The following EDNRA variants were observed in gnomAD, a reference collection of about 807,000 sequenced individuals.
The protein encoded by EDNRA is endothelin-1 receptor.
A neutral mutation model predicts 41.4 loss-of-function variants in EDNRA; 11 were observed. That is an observed-to-expected ratio of 0.27 (90% CI 0.17 to 0.44). The LOEUF (loss-of-function observed/expected upper bound fraction) is 0.44. EDNRA is among the 20% of genes least tolerant of loss of function. The pLI is 1.00. For missense variants in EDNRA, 294 were observed against 531.0 expected (o/e 0.55, Z 4.39); for synonymous variants, 172 against 183.0 (o/e 0.94, Z 0.49).
chr4:147,523,463 T>G lies in EDNRA; in HGVS notation c.548+3485T>G, dbSNP rs562006582. 2.3e-4 allele frequency among the ~76,000 whole-genome samples: 32 copies of G among 138,316 alleles called. No homozygotes were observed. In the South Asian group the frequency reaches 6.1e-3, roughly 26 times the overall value. The allele number at this position is 138,316 out of a possible 152,430, so 90.7% of individuals were successfully genotyped here. A position where few individuals can be genotyped will look rare whatever the true frequency, so the allele number is the denominator to read the frequency against. On this transcript the variant is annotated intron_variant, in intron 3 of 7. Coordinates refer to ENST00000651419, the MANE Select transcript of EDNRA (RefSeq NM_001957.4). ...AGAGTCTGTTTTGTTGGGTGTTTGT[T>G]TTTTTTTGTTGTTGTTGTTTTTTTG...
intron 2 of EDNRA, among the ~76,000 whole-genome samples, chr4:147,512,971 C>T (rs770491218): frequency 2.2e-4 from 33 of 152,224 alleles, no homozygotes; most frequent in Non-Finnish European, 2.9e-5. Context: ...TCTGGATTCT[C>T]TCTTCGCTGG....
chr4:147,501,103 T>G (rs1729503350), intron 2 of EDNRA, among the ~76,000 whole-genome samples: 1 of 151,918 alleles, frequency 6.6e-6, no homozygotes. Context: ...AACATTTAGT[T>G]TATTTGTGGA....
In EDNRA at chr4:147,532,542, A is replaced by G; in HGVS notation, c.585A>G (p.Gly195=). Residue 195 remains glycine, a synonymous_variant, in exon 4 of 8, where the codon GGA becomes GGG. Transcript: ENST00000651419. ...TTGCCTCCTGGAGTCGTGTTCAGGG[A>G]ATTGGGATTCCTTTGGTAACTGCCA... The part of the protein sequence containing the change: ...RAVASWSRVQ[G]IGIPLVTAIE... 1 of 1,613,638 alleles carries G rather than the reference A, an allele frequency of 6.2e-7. No individual in the cohort carries two copies. Among genetic ancestry groups the G allele is most frequent in the East Asian group, 2.2e-5 (1 of 44,852 alleles).
intron 3 of EDNRA, among the ~76,000 whole-genome samples, chr4:147,525,537 T>C (rs1730504994): frequency 6.6e-6 from 1 of 151,942 alleles, no homozygotes; most frequent in Non-Finnish European, 1.5e-5. Flanking sequence ...ATTAAAATAG[T>C]TATTTTTACA....
At chr4:147,483,457 A>G (rs895792598) in intron 1 of EDNRA, among the ~76,000 whole-genome samples, 2 of 152,206 alleles carry the variant, frequency 1.3e-5, no homozygotes, top group African/African-American at 4.8e-5. Flanking sequence ...TACATATATA[A>G]TAAGTTACTA....
At chr4:147,514,258 T>C (rs1730022170) in intron 2 of EDNRA, among the ~76,000 whole-genome samples, 1 of 152,142 alleles carries the variant, frequency 6.6e-6, no homozygotes, top group Non-Finnish European at 1.5e-5. Flanking sequence ...GTCAATCTCG[T>C]ACTTGAACCT....
rs1728964094 is a variant in EDNRA, at chr4:147,486,865, C to T, written c.420+764C>T. Among the ~76,000 whole-genome samples, 6 of 149,668 alleles carry T rather than the reference C, an allele frequency of 4.0e-5. No homozygotes were observed. In the Middle Eastern group the frequency reaches 0.017, roughly 427 times the overall value. ...TGTGAGAGGAAGATAACTAACCTTG[C>T]TTACAGACTGTATTAGGCCATTTCT... On this transcript the variant is annotated intron_variant, in intron 2 of 7. Coordinates refer to ENST00000651419, the MANE Select transcript of EDNRA (RefSeq NM_001957.4). This position sits in a 1 kb window ranked among gnomAD's most constrained non-coding sequence, Gnocchi z 4.3.
intron 2 of EDNRA, among the ~76,000 whole-genome samples, chr4:147,503,065 G>A (rs1729570226): frequency 6.6e-6 from 1 of 152,004 alleles, no homozygotes; most frequent in Admixed American, 6.6e-5. Context: ...TCAGCCTTGA[G>A]TTTGTTTTGA....
chr4:147,528,630 G>C (rs74559139), intron 3 of EDNRA, among the ~76,000 whole-genome samples: 2 of 152,148 alleles, frequency 1.3e-5, no homozygotes, highest in Admixed American at 6.5e-5. Flanking sequence ...CATCGCACCC[G>C]GCTGGGAACT....
rs1217505946 is a variant in EDNRA at position 147,485,517 on chromosome 4, A to G, written c.-70-95A>G. 3.6e-5 allele frequency: 29 copies of G among 797,614 alleles called. No individual in the cohort carries two copies. The South Asian group carries it at 5.3e-4, about 14-fold the overall frequency. The allele number at this position is 797,614 out of a possible 1,614,324, so 49.4% of individuals were successfully genotyped here. On this transcript the variant is annotated intron_variant, in intron 1 of 7. Transcript: ENST00000651419. ...TATATCTTATCTAATCACCAAATAT[A>G]TCCTGCATTTTAATTGAATCAATAA... is the stretch of plus-strand genomic sequence containing the variant.
intron 2 of EDNRA, among the ~76,000 whole-genome samples, chr4:147,498,638 T>C (rs757344834): frequency 6.6e-6 from 1 of 152,226 alleles, no homozygotes; most frequent in Admixed American, 6.5e-5. Context: ...GGAAAAAGTT[T>C]GTCAAGCCTG....
chr4:147,528,377 A>C (rs528889776), intron 3 of EDNRA, among the ~76,000 whole-genome samples: 2 of 118,692 alleles, frequency 1.7e-5, no homozygotes, highest in African/African-American at 3.4e-5. Flanking sequence ...TTTTTTTTTC[A>C]GACAGGGTCT....
intron 6 of EDNRA, 95 bp downstream of exon 6, chr4:147,540,045 C>T (rs559591742): frequency 6.1e-6 from 9 of 1,478,858 alleles, no homozygotes; most frequent in Non-Finnish European, 8.1e-6. Context: ...TGCCCGTTAG[C>T]CCTGAAAATT....
In EDNRA at chr4:147,519,059, T is replaced by C. The variant is rs1237658949; in HGVS notation, c.421-792T>C. Among the ~76,000 whole-genome samples the C allele has an allele frequency of 6.6e-6, 1 of 152,138 alleles. No individual in the cohort carries two copies. Among genetic ancestry groups the C allele is most frequent in the Non-Finnish European group, 1.5e-5 (1 of 68,018 alleles). The stretch of plus-strand genomic sequence containing the variant: ...CTTGCCTTGCAAACAAGGTTGGAAA[T>C]TGTCAACATGGAAGAACAGATTTTT... On this transcript the variant is annotated intron_variant, in intron 2 of 7. Transcript: ENST00000651419. This position sits in a 1 kb window ranked among gnomAD's most constrained non-coding sequence, Gnocchi z 4.1.
intron 2 of EDNRA, among the ~76,000 whole-genome samples, chr4:147,499,852 TG>T: frequency 7.2e-6 from 1 of 138,344 alleles, no homozygotes; most frequent in Admixed American, 7.6e-5. Context: ...TCATCCAGGC[TG>T]GAGTGCAGTA....
chr4:147,543,175 T>C lies in EDNRA; in HGVS notation c.*557T>C, dbSNP rs1403119494. 1 of 151,540 alleles carries C rather than the reference T, an allele frequency of 6.6e-6. No homozygotes were observed. The highest frequency in any genetic ancestry group is 2.4e-5 in the African/African-American group (1 of 41,344). The allele number at this position is 151,540 out of a possible 1,614,324, so 9.4% of individuals were successfully genotyped here. A position where few individuals can be genotyped will look rare whatever the true frequency, so the allele number is the denominator to read the frequency against. ...TATTTGAACTTATTTACACATAGTT[T>C]GAAAAAAAAAAGACAAAAATAGTAT... On this transcript the variant is annotated 3_prime_UTR_variant, in exon 8 of 8. Coordinates refer to ENST00000651419, the MANE Select transcript of EDNRA (RefSeq NM_001957.4).
intron 7 of EDNRA, among the ~76,000 whole-genome samples, chr4:147,541,179 T>C (rs1731091672): frequency 6.6e-6 from 1 of 151,992 alleles, no homozygotes; most frequent in African/African-American, 2.4e-5. Flanking sequence ...TGTGGGAATC[T>C]GAACAAATAT....
chr4:147,540,761 A>G (rs1009192795), intron 7 of EDNRA, among the ~76,000 whole-genome samples: 1 of 152,212 alleles, frequency 6.6e-6, no homozygotes, highest in African/African-American at 2.4e-5. Flanking sequence ...GAAATGTTTC[A>G]ATGTATGCTC....
chr4:147,503,422 A>C (rs1044912226), intron 2 of EDNRA, among the ~76,000 whole-genome samples: 2 of 152,128 alleles, frequency 1.3e-5, no homozygotes, highest in Non-Finnish European at 2.9e-5. Context: ...AGGGAACAGG[A>C]AGCAGGAAAG....
Sources: allele counts gnomAD v4.1 joint callset (sites outside exome capture counted in the v4.1 genomes callset), GRCh38; gene constraint gnomAD v4.1.1; non-coding constraint Gnocchi (gnomAD v3.1); transcripts MANE v1.5; gene names NCBI Gene and HGNC (gene_info 2026-07-23, HGNC 2026-07-21).